Variants in MAN2C1 observed in about 807,000 individuals in gnomAD.
The protein encoded by MAN2C1 is mannosidase alpha class 2C member 1, also known as alpha-mannosidase 2C1.
In MAN2C1, 111 loss-of-function variants were observed where a neutral mutation model predicts 126.9. That is an observed-to-expected ratio of 0.87 (90% CI 0.75 to 1.02). The LOEUF (loss-of-function observed/expected upper bound fraction) is 1.02, where lower values mean the gene tolerates loss of function less well. MAN2C1 is among the 50% of genes least tolerant of loss of function. MAN2C1 has a pLI of 0.00. For missense variants in MAN2C1, 1,363 were observed against 1,364.4 expected, an observed-to-expected ratio of 1.00 and a Z score of 0.02; for synonymous variants, 567 against 561.5, an observed-to-expected ratio of 1.01 and a Z score of -0.14.
At position 75,356,430 on chromosome 15, in the gene MAN2C1, G is replaced by A. The variant is rs189934985; in HGVS notation, c.2757C>T (p.Gly919=). Residue 919 remains glycine (G), a synonymous_variant, in exon 24 of 26, where the codon GGC becomes GGT. Transcript: ENST00000267978. The surrounding 1 kb of genome is among the most constrained non-coding windows in gnomAD (Gnocchi z 5.8). ...TTAGGCTGTAGGCAGCTTGGATAAC[G>A]CCAGCATCCTGGAAAGAGCCTGGGG... The part of the protein sequence containing the change: ...MPHKGSFQDA[G]VIQAAYSLNF... 14 of 1,604,502 alleles carry A rather than the reference G, an allele frequency of 8.7e-6. No homozygotes were observed. Among genetic ancestry groups the A allele is most frequent in the Admixed American group, 1.7e-5 (1 of 58,584 alleles).
rs773054720 is a variant in MAN2C1, at chr15:75,358,476, GGACAT to G, written c.2384_2388del (p.Tyr795SerfsTer10). ...CCCCCGACTACCTCGGTGTGGAAGC[GGACAT>G]AGGGGCAGCCAACGTCCAGCACAAC... On this transcript the variant is annotated frameshift_variant, in exon 20 of 26. Coordinates refer to ENST00000267978, the MANE Select transcript of MAN2C1 (RefSeq NM_006715.4). LOFTEE classifies it high-confidence loss of function. 6.2e-7 allele frequency: 1 copy of G among 1,613,516 alleles called. No individual in the cohort carries two copies. The highest frequency in any genetic ancestry group is 2.2e-5 in the East Asian group (1 of 44,878).
chr15:75,358,151 TC>T (rs746652159), intron 21 of MAN2C1, 49 bp downstream of exon 21: 17 of 1,607,062 alleles, frequency 1.1e-5, no homozygotes, highest in Admixed American at 3.3e-5. Context: ...ACAAGCAGTC[TC>T]CCCAGCCAGG....
At position 75,362,401 on chromosome 15, in the gene MAN2C1, A is replaced by C. The variant is rs1171864908; in HGVS notation, c.950T>G (p.Ile317Ser). 16 of 1,613,912 alleles carry C rather than the reference A, an allele frequency of 9.9e-6. No individual in the cohort carries two copies. Among genetic ancestry groups the C allele is most frequent in the Non-Finnish European group, 1.3e-5 (15 of 1,180,014 alleles). ...KSRYPGLYSRIQEFACRGQFV... is the reference protein window; with the variant it reads ...KSRYPGLYSRSQEFACRGQFV... ...CTGCCCACGGCACGCAAACTCCTGGATGCGGGAGTACAGGCCAGGGTAGCG... is the reference window on the plus strand; with the variant it reads ...CTGCCCACGGCACGCAAACTCCTGGCTGCGGGAGTACAGGCCAGGGTAGCG... Residue 317 changes from isoleucine (I) to serine (S), a missense_variant, in exon 8 of 26, where the codon ATC becomes AGC. By Grantham distance (142) the Ile-to-Ser change is moderately radical (BLOSUM62 -2). Transcript: ENST00000267978. This position sits in a 1 kb window ranked among gnomAD's most constrained non-coding sequence, Gnocchi z 4.5.
At chr15:75,363,092 G>C (rs1208773964) in intron 6 of MAN2C1, 1 of 429,376 alleles carries the variant, frequency 2.3e-6, no homozygotes, top group African/African-American at 2.0e-5. Flanking sequence ...ATGTATACCT[G>C]GGAACAGAGG....
At chr15:75,363,475 T>G (rs2072516942) in intron 6 of MAN2C1, among the ~76,000 whole-genome samples, 2 of 152,058 alleles carry the variant, frequency 1.3e-5, no homozygotes. Context: ...ACCCTCAATA[T>G]CTAGCATGGG....
chr15:75,359,790 G>A lies in MAN2C1; in HGVS notation c.1793-15C>T. ...GGAACGGATGTCTGAGGAAAGACTG[G>A]CTGGTCATAGGTGGGCAACAGGTCT... On this transcript the variant is annotated splice_polypyrimidine_tract_variant and intron_variant, in intron 15 of 25. Transcript: ENST00000267978. 6.2e-7 allele frequency: 1 copy of A among 1,613,764 alleles called. No homozygotes were observed. The highest frequency in any genetic ancestry group is 8.5e-7 in the Non-Finnish European group (1 of 1,179,914).
At position 75,364,681 on chromosome 15, in the gene MAN2C1, G is replaced by A; in HGVS notation, c.423-16C>T. On this transcript the variant is annotated splice_polypyrimidine_tract_variant and intron_variant, in intron 4 of 25. Coordinates refer to ENST00000267978, the MANE Select transcript of MAN2C1 (RefSeq NM_006715.4). ...GAGAGTGAGGCTACAAAGATGGGGA[G>A]ACAGCCTCAGGCTAAGGGACTGGCA... The A allele has an allele frequency of 6.3e-7, 1 of 1,598,696 alleles. No individual in the cohort carries two copies. Among genetic ancestry groups the A allele is most frequent in the Non-Finnish European group, 8.5e-7 (1 of 1,171,542 alleles).
At position 75,364,601 on chromosome 15, in the gene MAN2C1, C is replaced by T. The variant is rs1278460462; in HGVS notation, c.487G>A (p.Ala163Thr). ...LLGAGKGSMI[A>T]APDPEKMFQL... Reference sequence around the variant, plus strand: ...AACATCTTCTCAGGGTCAGGGGCTGCAATCATGCTTCCCTTCCCGGCCCCC... The same window carrying T: ...AACATCTTCTCAGGGTCAGGGGCTGTAATCATGCTTCCCTTCCCGGCCCCC... Residue 163 changes from alanine (A) to threonine (T), a missense_variant, in exon 5 of 26, where the codon GCA becomes ACA. By Grantham distance (58) the Ala-to-Thr change is moderately conservative. This residue lies in a region of MAN2C1 where 628 missense variants were observed against 609.8 expected (regional missense o/e 1.03). Transcript: ENST00000267978. 2 of 1,613,656 alleles carry T rather than the reference C, an allele frequency of 1.2e-6. No homozygotes were observed. Among genetic ancestry groups the T allele is most frequent in the East Asian group, 4.5e-5 (2 of 44,850 alleles).
In MAN2C1 at chr15:75,361,469, C is replaced by CCTG. The variant is rs1294433860; in HGVS notation, c.1219-91_1219-89dup. 1 of 1,291,676 alleles carries CCTG rather than the reference C, an allele frequency of 7.7e-7. No individual in the cohort carries two copies. Among genetic ancestry groups the CCTG allele is most frequent in the Non-Finnish European group, 1.1e-6 (1 of 891,746 alleles). 80.0% of individuals were successfully genotyped at this position (1,291,676 alleles called of 1,614,324 possible). On this transcript the variant is annotated intron_variant, in intron 10 of 25. Transcript: ENST00000267978. This position sits in a 1 kb window ranked among gnomAD's most constrained non-coding sequence, Gnocchi z 5.0. Reference sequence around the variant, plus strand: ...CCTTCCAGACTTGGTCCTGCCCCTGCCTGCTATGTGACCCTGGCAGAGGCA... The same window carrying CCTG: ...CCTTCCAGACTTGGTCCTGCCCCTGCCTGCTGCTATGTGACCCTGGCAGAGGCA...
At position 75,361,172 on chromosome 15, in the gene MAN2C1, T is replaced by G. The variant is rs898386298; in HGVS notation, c.1334A>C (p.Asn445Thr). 1.2e-6 allele frequency: 2 copies of G among 1,612,970 alleles called. No individual in the cohort carries two copies. The highest frequency in any genetic ancestry group is 1.6e-4 in the Middle Eastern group (1 of 6,080). Reference protein sequence around the residue: ...SVEEVLKTVANNRDKGRANHS... With the variant: ...SVEEVLKTVATNRDKGRANHS... ...GTTGGCCCGCCCCTTGTCCCGGTTGTTGGCCACGGTCTTCAGCACCTAGAC... is the reference window on the plus strand; with the variant it reads ...GTTGGCCCGCCCCTTGTCCCGGTTGGTGGCCACGGTCTTCAGCACCTAGAC... The change falls in exon 12 of 26, where the codon AAC becomes ACC. Residue 445 changes from asparagine (N) to threonine (T), a missense_variant. Transcript: ENST00000267978. The surrounding 1 kb of genome is among the most constrained non-coding windows in gnomAD (Gnocchi z 5.0).
rs1321784545 is a variant in MAN2C1, at chr15:75,359,327, C to T, written c.2046+1G>A. On this transcript the variant is annotated splice_donor_variant, in intron 17 of 25. Transcript: ENST00000267978. LOFTEE classifies it high-confidence loss of function. ...TGCCCCCCAGGGCATGCAGGACTCA[C>T]CTCTTGCACTACGAACACAGGCTGC... is the stretch of plus-strand genomic sequence containing the variant. 1 of 1,589,022 alleles carries T rather than the reference C, an allele frequency of 6.3e-7. No homozygotes were observed. The highest frequency in any genetic ancestry group is 8.6e-7 in the Non-Finnish European group (1 of 1,166,800).
chr15:75,367,517 A>G lies in MAN2C1; in HGVS notation c.345T>C (p.Pro115=). Reference sequence around the variant, plus strand: ...CTAGGACAGGGTTCCTCACCTGGACAGGTTCTCCATCACGCCACACCAGAC... The same window carrying G: ...CTAGGACAGGGTTCCTCACCTGGACGGGTTCTCCATCACGCCACACCAGAC... ...GEGLVWRDGE[P]VQGLTKEGEK... The change falls in exon 3 of 26, where the codon CCT becomes CCC. Residue 115 remains proline (P), a synonymous_variant. Transcript: ENST00000267978. 1 of 1,614,048 alleles carries G rather than the reference A, an allele frequency of 6.2e-7. No homozygotes were observed. Among genetic ancestry groups the G allele is most frequent in the Non-Finnish European group, 8.5e-7 (1 of 1,179,950 alleles).
chr15:75,361,094 G>T lies in MAN2C1; in HGVS notation c.1412C>A (p.Thr471Asn). 6.2e-7 allele frequency: 1 copy of T among 1,612,676 alleles called. No individual in the cohort carries two copies. The highest frequency in any genetic ancestry group is 1.1e-5 in the South Asian group (1 of 90,684). The change falls in exon 12 of 26, where the codon ACC becomes AAC. Residue 471 changes from threonine (T) to asparagine (N), a missense_variant. Physicochemically the swap from Thr to Asn is moderately conservative, Grantham distance 65 (BLOSUM62 0). This residue lies in a region of MAN2C1 where 67 missense variants were observed against 104.5 expected (regional missense o/e 0.64). Coordinates refer to ENST00000267978, the MANE Select transcript of MAN2C1 (RefSeq NM_006715.4). This position sits in a 1 kb window ranked among gnomAD's most constrained non-coding sequence, Gnocchi z 5.0. Reference sequence around the variant, plus strand: ...CAGGCGCTTCAGGCGGTCCAGCATGGTCTGGGTGGGGCCACCACCCCCATC... The same window carrying T: ...CAGGCGCTTCAGGCGGTCCAGCATGTTCTGGGTGGGGCCACCACCCCCATC... ...FGDGGGGPTQ[T>N]MLDRLKRLSN...
Position 75,361,706 on chromosome 15 carries a change from G to C in MAN2C1, c.1116C>G (p.Asp372Glu). The C allele has an allele frequency of 1.9e-6, 3 of 1,613,892 alleles. No homozygotes were observed. The highest frequency in any genetic ancestry group is 2.5e-6 in the Non-Finnish European group (3 of 1,179,924). The change falls in exon 10 of 26, where the codon GAC becomes GAG. Residue 372 changes from aspartate (D) to glutamate (E), a missense_variant. Asp to Glu is a conservative substitution (Grantham distance 45). Transcript: ENST00000267978. The surrounding 1 kb of genome is among the most constrained non-coding windows in gnomAD (Gnocchi z 5.0). ...GGAGCTGTGCTGAGTAGCCAAAGGT[G>C]TCCGGCAGCCAGAACTGTGGAGAAA... ...GKMCSEFWLP[D>E]TFGYSAQLPQ...
Position 75,361,210 on chromosome 15 carries a change from G to A in MAN2C1, c.1315-19C>T. On this transcript the variant is annotated intron_variant, in intron 11 of 25. Coordinates refer to ENST00000267978, the MANE Select transcript of MAN2C1 (RefSeq NM_006715.4). The surrounding 1 kb of genome is among the most constrained non-coding windows in gnomAD (Gnocchi z 5.0). The stretch of plus-strand genomic sequence containing the variant: ...TCAGCACCTAGACAGGTGAGGGCAG[G>A]CCAGCATGGATCAGCCTGGAACAAG... The A allele has an allele frequency of 6.2e-7, 1 of 1,608,400 alleles. No homozygotes were observed. Among genetic ancestry groups the A allele is most frequent in the Non-Finnish European group, 8.5e-7 (1 of 1,177,964 alleles).
chr15:75,366,881 C>T (rs528924506), intron 3 of MAN2C1, among the ~76,000 whole-genome samples: 1 of 152,194 alleles, frequency 6.6e-6, no homozygotes, highest in South Asian at 2.1e-4. Context: ...ATTCTGGTGG[C>T]CTCTGCACCC....
chr15:75,362,996 T>C lies in MAN2C1; in HGVS notation c.791-248A>G. 2.0e-6 allele frequency: 1 copy of C among 496,730 alleles called. No homozygotes were observed. The highest frequency in any genetic ancestry group is 5.8e-4 in the Middle Eastern group (1 of 1,738). 30.8% of individuals were successfully genotyped at this position (496,730 alleles called of 1,614,324 possible). On this transcript the variant is annotated intron_variant, in intron 6 of 25. Coordinates refer to ENST00000267978, the MANE Select transcript of MAN2C1 (RefSeq NM_006715.4). This position sits in a 1 kb window ranked among gnomAD's most constrained non-coding sequence, Gnocchi z 4.5. ...GAAATGGAGGCTCCAGGCCCCAGAA[T>C]AGCCTCAGTCCTCTTGGGGAATTAG... is the stretch of plus-strand genomic sequence containing the variant.
At chr15:75,366,919 G>A (rs545195703) in intron 3 of MAN2C1, among the ~76,000 whole-genome samples, 12 of 152,204 alleles carry the variant, frequency 7.9e-5, no homozygotes, top group Non-Finnish European at 1.3e-4. Flanking sequence ...AAGAAACTCC[G>A]TGAAGTCAGG....
In MAN2C1 at chr15:75,362,758, G is replaced by C; in HGVS notation, c.791-10C>G. On this transcript the variant is annotated splice_polypyrimidine_tract_variant and intron_variant, in intron 6 of 25. Transcript: ENST00000267978. This position sits in a 1 kb window ranked among gnomAD's most constrained non-coding sequence, Gnocchi z 4.5. ...AAGGGCCAAAGCCAGGCTATACGGGGAGTGAGGTGGAGGACAGAGGGAGCA... is the reference window on the plus strand; with the variant it reads ...AAGGGCCAAAGCCAGGCTATACGGGCAGTGAGGTGGAGGACAGAGGGAGCA... 1 of 1,611,508 alleles carries C rather than the reference G, an allele frequency of 6.2e-7. No homozygotes were observed. The highest frequency in any genetic ancestry group is 2.2e-5 in the East Asian group (1 of 44,876).
Sources: allele counts gnomAD v4.1 joint callset (sites outside exome capture counted in the v4.1 genomes callset), GRCh38; gene constraint gnomAD v4.1.1; regional missense constraint gnomAD v4.1.1; non-coding constraint Gnocchi (gnomAD v3.1); transcripts MANE v1.5; gene names NCBI Gene and HGNC (gene_info 2026-07-23, HGNC 2026-07-21).